Variants in SMYD3 observed in about 807,000 individuals in gnomAD.
SMYD3 encodes SET and MYND domain containing 3, also known as histone-lysine N-methyltransferase SMYD3.
In SMYD3, 36 loss-of-function variants were observed where a neutral mutation model predicts 57.7. The observed-to-expected ratio is 0.62, with a 90% CI of 0.48 to 0.82. The LOEUF is 0.82. Among genes scored for constraint, SMYD3 ranks in the 40% least tolerant of loss-of-function variants. SMYD3 has a pLI of 0.00. For missense variants in SMYD3, 515 were observed against 538.8 expected, an observed-to-expected ratio of 0.96 and a Z score of 0.44; for synonymous variants, 211 against 195.0, an observed-to-expected ratio of 1.08 and a Z score of -0.68.
At chr1:246,208,714 T>C (rs1471830126) in intron 5 of SMYD3, among the ~76,000 whole-genome samples, 1 of 152,174 alleles carries the variant, frequency 6.6e-6, no homozygotes, top group Non-Finnish European at 1.5e-5. Flanking sequence ...CGTGACTATT[T>C]ACGCAGAACC....
chr1:246,039,091 T>C (rs2059825621), intron 5 of SMYD3, among the ~76,000 whole-genome samples: 3 of 152,118 alleles, frequency 2.0e-5, no homozygotes, highest in African/African-American at 7.2e-5. Flanking sequence ...GCAGACACAG[T>C]TATAAGTGAA....
At chr1:246,499,290 C>A (rs533847515) in intron 1 of SMYD3, among the ~76,000 whole-genome samples, 270 of 151,292 alleles carry the variant, frequency 1.8e-3, no homozygotes, top group Non-Finnish European at 2.9e-3. Context: ...GGCAACAAAG[C>A]GAGACTCTAT....
rs77863707 is a variant in SMYD3, at chr1:245,903,237, G to A, written c.813+12293C>T. ...CTTCAACAATAGGCTAGATCATGAA[G>A]AAGGAATTTCTGAATTGAAGGCAGA... On this transcript the variant is annotated intron_variant, in intron 8 of 11. Coordinates refer to ENST00000490107, the MANE Select transcript of SMYD3 (RefSeq NM_001167740.2). Among the ~76,000 whole-genome samples the A allele has an allele frequency of 4.7e-3, 717 of 152,136 alleles. 4 individuals are homozygous for A. Among genetic ancestry groups the A allele is most frequent in the African/African-American group, 0.015 (638 of 41,542 alleles).
At chr1:245,873,714 C>A (rs1159657543) in intron 8 of SMYD3, among the ~76,000 whole-genome samples, 7 of 152,188 alleles carry the variant, frequency 4.6e-5, no homozygotes. Context: ...GTCCCGAAGG[C>A]GAAGGTTATA....
intron 1 of SMYD3, 58 bp downstream of exon 1, chr1:246,506,996 C>CCCCCCCCCCCCCCCCCA: frequency 4.9e-6 from 4 of 815,814 alleles, no homozygotes; most frequent in Non-Finnish European, 6.8e-6. Context: ...GACGCCCCCC[C>CCCCCCCCCCCCCCCCCA]CTCCCCAGCA....
intron 10 of SMYD3, among the ~76,000 whole-genome samples, chr1:245,843,582 G>C (rs1227899364): frequency 7.2e-6 from 1 of 138,068 alleles, no homozygotes. Flanking sequence ...GTGTGTGTAT[G>C]TGCATATACA....
chr1:246,322,470 A>G (rs887813710), intron 5 of SMYD3: 3 of 152,154 alleles, frequency 2.0e-5, no homozygotes, highest in Non-Finnish European at 4.4e-5. Flanking sequence ...CAGCTTGTAG[A>G]GATGGAGACA....
chr1:246,135,872 G>A (rs950168597), intron 5 of SMYD3, among the ~76,000 whole-genome samples: 4 of 152,134 alleles, frequency 2.6e-5, no homozygotes, highest in African/African-American at 7.2e-5. Flanking sequence ...AAGCATTCAA[G>A]TAAGTTTTCT....
At position 245,860,305 on chromosome 1, in the gene SMYD3, A is replaced by G. The variant is rs186080125; in HGVS notation, c.902-1635T>C. Among the ~76,000 whole-genome samples the G allele has an allele frequency of 4.0e-4, 61 of 152,252 alleles. No homozygotes were observed. In the East Asian group the frequency reaches 7.9e-3, roughly 20 times the overall value. ...GCCCTGAGCAGACAGCTCACTGTTT[A>G]TGGTCCCCTCTCCCTCTCTGTCCAG... On this transcript the variant is annotated intron_variant, in intron 9 of 11. Coordinates refer to ENST00000490107, the MANE Select transcript of SMYD3 (RefSeq NM_001167740.2).
chr1:246,221,138 C>G (rs941058109), intron 5 of SMYD3, among the ~76,000 whole-genome samples: 12 of 152,114 alleles, frequency 7.9e-5, no homozygotes, highest in African/African-American at 2.7e-4. Context: ...ACTAGCCAAA[C>G]AGAGAAGCTA....
At chr1:246,034,942 G>A (rs193209562) in intron 5 of SMYD3, among the ~76,000 whole-genome samples, 2 of 152,260 alleles carry the variant, frequency 1.3e-5, no homozygotes, top group East Asian at 3.9e-4. Flanking sequence ...AGAAAATACA[G>A]ACACACAGAC....
At chr1:246,286,504 A>G (rs2064566849) in intron 5 of SMYD3, among the ~76,000 whole-genome samples, 1 of 152,232 alleles carries the variant, frequency 6.6e-6, no homozygotes, top group African/African-American at 2.4e-5. Context: ...GTATAACACA[A>G]GACTGACATT....
chr1:246,240,688 G>A (rs958524073), intron 5 of SMYD3, among the ~76,000 whole-genome samples: 1 of 152,158 alleles, frequency 6.6e-6, no homozygotes, highest in African/African-American at 2.4e-5. Flanking sequence ...GGGCTGTATG[G>A]CCATTTTCAT....
intron 5 of SMYD3, among the ~76,000 whole-genome samples, chr1:246,252,962 A>G (rs1035591375): frequency 6.6e-6 from 1 of 152,230 alleles, no homozygotes; most frequent in Non-Finnish European, 1.5e-5. Context: ...AATGTTTAAT[A>G]TTTAATACCA....
intron 5 of SMYD3, chr1:246,113,730 AT>A (rs2061293478): frequency 6.6e-6 from 1 of 152,226 alleles, no homozygotes; most frequent in Non-Finnish European, 1.5e-5. Flanking sequence ...CTTCCTGCTT[AT>A]CCTGTATCTC....
Position 246,046,635 on chromosome 1 carries a change from T to C in SMYD3, c.532-116698A>G, listed in dbSNP as rs1558180197. ...AACTTAAAATGCAATAAAATATATA[T>C]ATATAAAATATATATATTTTATATA... is the stretch of plus-strand genomic sequence containing the variant. On this transcript the variant is annotated intron_variant, in intron 5 of 11. Transcript: ENST00000490107. 2.0e-5 allele frequency among the ~76,000 whole-genome samples: 3 copies of C among 147,718 alleles called. No homozygotes were observed. The South Asian group carries it at 6.3e-4, about 31-fold the overall frequency.
intron 5 of SMYD3, among the ~76,000 whole-genome samples, chr1:246,236,760 C>T (rs1364036463): frequency 6.6e-6 from 1 of 152,142 alleles, no homozygotes; most frequent in South Asian, 2.1e-4. Context: ...GATCTACCCA[C>T]CTCAGCCTCC....
intron 5 of SMYD3, among the ~76,000 whole-genome samples, chr1:246,252,120 T>C (rs544269332): frequency 9.1e-4 from 8 of 8,764 alleles, no homozygotes; most frequent in African/African-American, 3.0e-3. Flanking sequence ...CCGGCTTTAG[T>C]AGGTGCCTCG....
intron 8 of SMYD3, among the ~76,000 whole-genome samples, chr1:245,910,752 A>T (rs1253981607): frequency 6.6e-6 from 1 of 152,122 alleles, no homozygotes; most frequent in Non-Finnish European, 1.5e-5. Context: ...AGTCATATCA[A>T]AACAGCTTAA....
Sources: gnomAD v4.1 joint callset for allele counts (sites outside exome capture counted in the v4.1 genomes callset) on GRCh38, gnomAD v4.1.1 for gene constraint, MANE v1.5 for transcripts, NCBI Gene and HGNC (gene_info 2026-07-23, HGNC 2026-07-21) for gene names.